MDGA2: variants seen among roughly 807,000 people sequenced by gnomAD.
MDGA2 encodes MAM domain-containing glycosylphosphatidylinositol anchor protein 2.
In MDGA2, 40 loss-of-function variants were observed where a neutral mutation model predicts 117.8. That is an observed-to-expected ratio of 0.34 (90% CI 0.26 to 0.44). MDGA2 has a LOEUF of 0.44. Among genes scored for constraint, MDGA2 ranks in the 20% least tolerant of loss-of-function variants. The pLI is 1.00. For missense variants in MDGA2, 1,123 were observed against 1,250.6 expected, an observed-to-expected ratio of 0.90 and a Z score of 1.54; for synonymous variants, 452 against 439.0, an observed-to-expected ratio of 1.03 and a Z score of -0.37.
intron 6 of MDGA2, among the ~76,000 whole-genome samples, chr14:47,096,330 T>C (rs1357722608): frequency 6.6e-6 from 1 of 152,038 alleles, no homozygotes; most frequent in Non-Finnish European, 1.5e-5. Flanking sequence ...TTGTTTATTC[T>C]TTTAGAACAC....
chr14:47,656,034 A>C (rs924144406), intron 1 of MDGA2, among the ~76,000 whole-genome samples: 4 of 152,202 alleles, frequency 2.6e-5, no homozygotes, highest in Admixed American at 1.3e-4. Flanking sequence ...ATAGAATTAC[A>C]AATCACTTGA....
At chr14:47,405,872 G>A (rs989406119) in intron 1 of MDGA2, among the ~76,000 whole-genome samples, 4 of 152,012 alleles carry the variant, frequency 2.6e-5, no homozygotes, top group African/African-American at 9.7e-5. Context: ...ATGTTCATGC[G>A]TGACTCAACA....
At chr14:47,670,595 T>G (rs1898056516) in intron 1 of MDGA2, among the ~76,000 whole-genome samples, 1 of 152,166 alleles carries the variant, frequency 6.6e-6, no homozygotes, top group East Asian at 1.9e-4. Context: ...TTGGATCACT[T>G]AGCTCTAGGT....
At chr14:46,957,686 C>G (rs1566545019) in intron 8 of MDGA2, 43 bp from the exon 9 acceptor site, 7 of 1,605,880 alleles carry the variant, frequency 4.4e-6, no homozygotes, top group South Asian at 1.1e-5. Flanking sequence ...ATGTGACTTG[C>G]AATAAGCCAA....
At chr14:47,265,771 C>T (rs1410772482) in intron 2 of MDGA2, among the ~76,000 whole-genome samples, 1 of 152,072 alleles carries the variant, frequency 6.6e-6, no homozygotes, top group Non-Finnish European at 1.5e-5. Flanking sequence ...ATAATCTTAT[C>T]TCACATTAGA....
chr14:46,955,897 A>G (rs995842881), intron 9 of MDGA2, among the ~76,000 whole-genome samples: 3 of 152,040 alleles, frequency 2.0e-5, no homozygotes, highest in Non-Finnish European at 4.4e-5. Context: ...AAATATATGG[A>G]TCTTTGTATA....
chr14:47,201,046 GC>G, intron 3 of MDGA2: 1 of 1,128,912 alleles, frequency 8.9e-7, no homozygotes, highest in Middle Eastern at 2.1e-4. Context: ...CACAATGGCC[GC>G]CAGGCGGCCC....
At position 47,343,255 on chromosome 14, in the gene MDGA2, C is replaced by A. The variant is rs1566747450; in HGVS notation, c.281-41705G>T. The A allele has an allele frequency of 5.3e-6, 6 of 1,141,078 alleles. No individual in the cohort carries two copies. The East Asian group carries it at 3.4e-4, about 65-fold the overall frequency. The allele number at this position is 1,141,078 out of a possible 1,614,324, so 70.7% of individuals were successfully genotyped here. ...TTTTTCAGGAACGATTATCGAATTC[C>A]GGGCATTGTATTACATCAGGAAGGC... is the stretch of plus-strand genomic sequence containing the variant. On this transcript the variant is annotated intron_variant, in intron 1 of 16. Coordinates refer to ENST00000399232, the MANE Select transcript of MDGA2 (RefSeq NM_001113498.3).
intron 8 of MDGA2, among the ~76,000 whole-genome samples, chr14:46,975,110 C>A (rs530674504): frequency 1.3e-5 from 2 of 152,000 alleles, no homozygotes; most frequent in African/African-American, 4.8e-5. Flanking sequence ...CATCACTAGT[C>A]ATTAGAAAAA....
chr14:47,567,556 A>T (rs1034897199), intron 1 of MDGA2, among the ~76,000 whole-genome samples: 3 of 152,172 alleles, frequency 2.0e-5, no homozygotes, highest in African/African-American at 7.2e-5. Context: ...ACTTGTAGGT[A>T]AGGTAAAATT....
At chr14:47,415,029 G>C (rs769556560) in intron 1 of MDGA2, among the ~76,000 whole-genome samples, 5 of 152,160 alleles carry the variant, frequency 3.3e-5, no homozygotes, top group Non-Finnish European at 1.5e-5. Flanking sequence ...TCATCAGGTT[G>C]TTTAGTTCAC....
At chr14:47,628,624 T>C (rs530774068) in intron 1 of MDGA2, among the ~76,000 whole-genome samples, 1 of 152,340 alleles carries the variant, frequency 6.6e-6, no homozygotes, top group African/African-American at 2.4e-5. Context: ...ACTAAAACTA[T>C]GGTGAACAGT....
chr14:47,534,519 G>A (rs1165760488), intron 1 of MDGA2, among the ~76,000 whole-genome samples: 2 of 152,182 alleles, frequency 1.3e-5, no homozygotes, highest in South Asian at 2.1e-4. Flanking sequence ...AGCAGCAAGT[G>A]AGAGAGAGCC....
intron 1 of MDGA2, among the ~76,000 whole-genome samples, chr14:47,413,178 A>G (rs1271702472): frequency 6.6e-6 from 1 of 152,186 alleles, no homozygotes; most frequent in East Asian, 1.9e-4. Flanking sequence ...AAGTGACAAA[A>G]GTTTTAACCA....
At chr14:47,160,226 T>C (rs1418430562) in intron 3 of MDGA2, among the ~76,000 whole-genome samples, 2 of 152,228 alleles carry the variant, frequency 1.3e-5, no homozygotes, top group African/African-American at 4.8e-5. Context: ...TCTTTTCTTG[T>C]GCAAAACCAT....
Position 47,240,718 on chromosome 14 carries a change from T to G in MDGA2, c.421-22523A>C, listed in dbSNP as rs186843616. On this transcript the variant is annotated intron_variant, in intron 2 of 16. Transcript: ENST00000399232. Reference sequence around the variant, plus strand: ...GAATATTGCACACACAACTGAGGGGTTTTAGCAAAAAATACATTACCCAGA... The same window carrying G: ...GAATATTGCACACACAACTGAGGGGGTTTAGCAAAAAATACATTACCCAGA... Among the ~76,000 whole-genome samples the G allele has an allele frequency of 2.5e-3, 377 of 151,772 alleles. 3 individuals carry two copies. The highest frequency in any genetic ancestry group is 8.5e-3 in the African/African-American group (351 of 41,482).
intron 15 of MDGA2, among the ~76,000 whole-genome samples, chr14:46,854,595 G>T (rs903977672): frequency 6.6e-6 from 1 of 151,554 alleles, no homozygotes; most frequent in Non-Finnish European, 1.5e-5. Context: ...ATCAATTACT[G>T]ATATGGCATT....
At chr14:47,535,930 G>T (rs940228926) in intron 1 of MDGA2, among the ~76,000 whole-genome samples, 1 of 152,208 alleles carries the variant, frequency 6.6e-6, no homozygotes, top group African/African-American at 2.4e-5. Flanking sequence ...CTGTCAGCTA[G>T]TCTTGCCTTC....
chr14:47,179,350 C>T (rs1884605950), intron 3 of MDGA2, among the ~76,000 whole-genome samples: 2 of 151,946 alleles, frequency 1.3e-5, no homozygotes, highest in Admixed American at 6.6e-5. Context: ...TTTATATTTA[C>T]ACTACATAGT....
Sources: gnomAD v4.1 joint callset for allele counts (sites outside exome capture counted in the v4.1 genomes callset) on GRCh38, gnomAD v4.1.1 for gene constraint, MANE v1.5 for transcripts, NCBI Gene and HGNC (gene_info 2026-07-23, HGNC 2026-07-21) for gene names.